MFN1: variants seen among roughly 807,000 people sequenced by gnomAD.
The protein encoded by MFN1 is mitofusin-1.
In MFN1, 65 loss-of-function variants were observed where a neutral mutation model predicts 92.4. The observed-to-expected ratio is 0.70, with a 90% CI of 0.58 to 0.86. The LOEUF (loss-of-function observed/expected upper bound fraction) is 0.86, where lower values mean the gene tolerates loss of function less well. MFN1 is among the 40% of genes least tolerant of loss of function. The pLI is 0.00. For missense variants in MFN1, 781 were observed against 868.0 expected (o/e 0.90, Z 1.26); for synonymous variants, 297 against 300.9 (o/e 0.99, Z 0.13).
In MFN1 at chr3:179,359,799, A is replaced by G. The variant is rs541565865; in HGVS notation, c.411+797A>G. 2.6e-5 allele frequency: 4 copies of G among 151,938 alleles called. No individual in the cohort carries two copies. In the East Asian group the frequency reaches 7.7e-4, roughly 29 times the overall value. The allele number at this position is 151,938 out of a possible 1,614,324, so 9.4% of individuals were successfully genotyped here. A position where few individuals can be genotyped will look rare whatever the true frequency, so the allele number is the denominator to read the frequency against. On this transcript the variant is annotated intron_variant, in intron 4 of 17. Coordinates refer to ENST00000471841, the MANE Select transcript of MFN1 (RefSeq NM_033540.3). The stretch of plus-strand genomic sequence containing the variant: ...CATCACTAAGTATTTTGAGTACTCT[A>G]AATTTTTTTTTCACTTCATAACTAA...
At position 179,386,494 on chromosome 3, in the gene MFN1, A is replaced by G. The variant is rs368267359; in HGVS notation, c.1877A>G (p.Tyr626Cys). The G allele has an allele frequency of 2.5e-6, 4 of 1,613,858 alleles. No homozygotes were observed. The highest frequency in any genetic ancestry group is 2.5e-6 in the Non-Finnish European group (3 of 1,179,918). The change falls in exon 16 of 18, where the codon TAT (tyrosine) becomes TGT (cysteine). Residue 626 changes from tyrosine to cysteine, a missense_variant. Coordinates refer to ENST00000471841, the MANE Select transcript of MFN1 (RefSeq NM_033540.3). ...SVSLTMYGAL[Y>C]LYERLSWTTH... ...TCATTAACTATGTATGGAGCTTTGT[A>G]TCTTTATGAAAGACTGAGCTGGACC...
At chr3:179,383,273 AGCTTT>A (rs1223046283) in intron 14 of MFN1, among the ~76,000 whole-genome samples, 1 of 152,228 alleles carries the variant, frequency 6.6e-6, no homozygotes, top group Non-Finnish European at 1.5e-5. Context: ...ATCCAGTTTC[AGCTTT>A]GTACATATAG....
At position 179,352,022 on chromosome 3, in the gene MFN1, G is replaced by T; in HGVS notation, c.235G>T (p.Ala79Ser). The T allele has an allele frequency of 6.3e-7, 1 of 1,586,266 alleles. No homozygotes were observed. Among genetic ancestry groups the T allele is most frequent in the South Asian group, 1.1e-5 (1 of 87,114 alleles). ...GCTATCTCGGAGACACATGAAGGTG[G>T]CATTTTTTGGCAGGTAATTATTTAT... ...EVLSRRHMKVAFFGRTSSGKS... is the reference protein window; with the variant it reads ...EVLSRRHMKVSFFGRTSSGKS... Residue 79 changes from alanine to serine, a missense_variant, in exon 3 of 18, where the codon GCA becomes TCA. Physicochemically the swap from Ala to Ser is moderately conservative, Grantham distance 99. Transcript: ENST00000471841.
intron 16 of MFN1, among the ~76,000 whole-genome samples, chr3:179,389,602 C>A (rs954120553): frequency 2.0e-5 from 3 of 152,108 alleles, no homozygotes; most frequent in African/African-American, 4.8e-5. Context: ...TCAAATATAA[C>A]CCTTTGATTC....
At chr3:179,391,498 C>T (rs1713899386) in intron 17 of MFN1, among the ~76,000 whole-genome samples, 1 of 152,094 alleles carries the variant, frequency 6.6e-6, no homozygotes, top group African/African-American at 2.4e-5. Flanking sequence ...CTGATGTATA[C>T]TTGTATGACC....
At chr3:179,367,412 A>G in intron 7 of MFN1, 27 bp from the exon 8 acceptor site, 1 of 1,580,246 alleles carries the variant, frequency 6.3e-7, no homozygotes, top group Non-Finnish European at 8.6e-7. Flanking sequence ...AATTATTAGA[A>G]TTCTTTTAAT....
chr3:179,386,516 G>A lies in MFN1; in HGVS notation c.1899G>A (p.Trp633Ter). 1 of 1,613,954 alleles carries A rather than the reference G, an allele frequency of 6.2e-7. No individual in the cohort carries two copies. Among genetic ancestry groups the A allele is most frequent in the South Asian group, 1.1e-5 (1 of 91,060 alleles). Residue 633 changes from tryptophan (W) to a stop codon, truncating the protein, a stop_gained, in exon 16 of 18, where the codon TGG becomes TGA. Transcript: ENST00000471841. LOFTEE classifies it high-confidence loss of function. ...TGTATCTTTATGAAAGACTGAGCTG[G>A]ACCACCCATGCCAAGGAGCGAGCCT... Reference protein sequence around the residue: ...GALYLYERLSWTTHAKERAFK... With the variant: ...GALYLYERLS
intron 10 of MFN1, 46 bp from the exon 11 acceptor site, chr3:179,376,996 G>T (rs780796610): frequency 1.9e-6 from 3 of 1,595,602 alleles, no homozygotes; most frequent in Non-Finnish European, 2.6e-6. Flanking sequence ...AATGCTTTAG[G>T]ACTTCAGACT....
At chr3:179,377,741 C>T (rs1577012662) in intron 12 of MFN1, among the ~76,000 whole-genome samples, 1 of 152,220 alleles carries the variant, frequency 6.6e-6, no homozygotes, top group Non-Finnish European at 1.5e-5. Context: ...CGAGACCAGC[C>T]TGGGCAACAC....
chr3:179,383,203 T>C (rs1713540725), intron 14 of MFN1, among the ~76,000 whole-genome samples: 1 of 152,236 alleles, frequency 6.6e-6, no homozygotes, highest in African/African-American at 2.4e-5. Context: ...TGGTTTTAGG[T>C]CTAACATTTA....
At chr3:179,366,270 A>G (rs1712789710) in intron 7 of MFN1, among the ~76,000 whole-genome samples, 1 of 152,144 alleles carries the variant, frequency 6.6e-6, no homozygotes, top group African/African-American at 2.4e-5. Flanking sequence ...GCTAGATTAC[A>G]AGTTAAGAAT....
At chr3:179,389,813 TATC>T (rs370909705) in intron 16 of MFN1, among the ~76,000 whole-genome samples, 188 bp from the exon 17 acceptor site, 1 of 152,122 alleles carries the variant, frequency 6.6e-6, no homozygotes, top group African/African-American at 2.4e-5. Flanking sequence ...GCAGAGGTAA[TATC>T]GTCTCTTGAG....
At position 179,367,866 on chromosome 3, in the gene MFN1, C is replaced by T. The variant is rs138496759; in HGVS notation, c.908-170C>T. On this transcript the variant is annotated intron_variant, in intron 8 of 17. Transcript: ENST00000471841. ...TGAACCCAGGAGGCGGAGGTTGCAG[C>T]GAGCCAAGATTGCGCCATTGCACTC... Among the ~76,000 whole-genome samples the T allele has an allele frequency of 0.025, 3,788 of 150,196 alleles. 84 individuals carry two copies. Among genetic ancestry groups the T allele is most frequent in the Middle Eastern group, 0.15 (44 of 290 alleles).
At chr3:179,369,182 G>T (rs1408615504) in intron 9 of MFN1, among the ~76,000 whole-genome samples, 1 of 151,484 alleles carries the variant, frequency 6.6e-6, no homozygotes, top group Non-Finnish European at 1.5e-5. Flanking sequence ...TTTTCCTTTT[G>T]CTTTCACCAA....
Position 179,389,389 on chromosome 3 carries a change from CTCTT to C in MFN1, c.2013-610_2013-607del, listed in dbSNP as rs546087373. Among the ~76,000 whole-genome samples the C allele has an allele frequency of 2.8e-3, 429 of 152,188 alleles. 6 individuals carry two copies. Among genetic ancestry groups the C allele is most frequent in the Non-Finnish European group, 1.5e-3 (104 of 67,984 alleles). Reference sequence around the variant, plus strand: ...TGGGAAATAAAAACTCGACTTGATCCTCTTTCTTAGAAGACTTTGCACATTAATG... The same window carrying C: ...TGGGAAATAAAAACTCGACTTGATCCTCTTAGAAGACTTTGCACATTAATG... On this transcript the variant is annotated intron_variant, in intron 16 of 17. Coordinates refer to ENST00000471841, the MANE Select transcript of MFN1 (RefSeq NM_033540.3).
Position 179,365,163 on chromosome 3 carries a change from A to G in MFN1, c.691A>G (p.Asn231Asp), listed in dbSNP as rs941793700. 2 of 1,558,926 alleles carry G rather than the reference A, an allele frequency of 1.3e-6. No individual in the cohort carries two copies. Among genetic ancestry groups the G allele is most frequent in the Non-Finnish European group, 1.7e-6 (2 of 1,161,420 alleles). ...HKVNERLSKP[N>D]IFILNNRWDA... ...GGTGAATGAGCGGCTTTCCAAGCCT[A>G]ATATTTTCATTCTCAATAATCGTTG... The change falls in exon 7 of 18, where the codon AAT (asparagine) becomes GAT (aspartate). Residue 231 changes from asparagine to aspartate, a missense_variant. By Grantham distance (23) the Asn-to-Asp change is conservative (BLOSUM62 1). Transcript: ENST00000471841.
chr3:179,385,487 T>TAC, intron 14 of MFN1, 82 bp from the exon 15 acceptor site: 1 of 1,270,818 alleles, frequency 7.9e-7, no homozygotes, highest in Non-Finnish European at 1.1e-6. Flanking sequence ...ATAGATGTGC[T>TAC]ACTATAATTT....
chr3:179,384,659 A>G (rs929369843), intron 14 of MFN1, among the ~76,000 whole-genome samples: 12 of 152,146 alleles, frequency 7.9e-5, no homozygotes, highest in African/African-American at 2.9e-4. Context: ...TCTGCTTCCA[A>G]GGAGCTGGGA....
At position 179,394,776 on chromosome 3, in the gene MFN1, G is replaced by A. The variant is rs375926818; in HGVS notation, c.*2717G>A. On this transcript the variant is annotated 3_prime_UTR_variant, in exon 18 of 18. Coordinates refer to ENST00000471841, the MANE Select transcript of MFN1 (RefSeq NM_033540.3). ...ATGACCAAGCCCATGAATTATACAG[G>A]AATTATGTAATTATGAGTGATGTAC... 2.6e-5 allele frequency: 4 copies of A among 152,078 alleles called. No individual in the cohort carries two copies. Among genetic ancestry groups the A allele is most frequent in the African/African-American group, 7.2e-5 (3 of 41,392 alleles). 9.4% of individuals were successfully genotyped at this position (152,078 alleles called of 1,614,324 possible).
Sources: allele counts gnomAD v4.1 joint callset (sites outside exome capture counted in the v4.1 genomes callset), GRCh38; gene constraint gnomAD v4.1.1; transcripts MANE v1.5; gene names NCBI Gene and HGNC (gene_info 2026-07-23, HGNC 2026-07-21).